Variants in POLR1A observed in about 807,000 individuals in gnomAD.
POLR1A encodes the protein DNA-directed RNA polymerase I subunit RPA1.
POLR1A carries 84 observed loss-of-function variants against 205.3 expected under a neutral mutation model. That is an observed-to-expected ratio of 0.41 (90% CI 0.34 to 0.49). POLR1A has a LOEUF of 0.49. POLR1A is among the 20% of genes least tolerant of loss of function. The pLI, the probability that POLR1A is intolerant of heterozygous loss-of-function variation, is 0.22. For synonymous variants in POLR1A, 799 were observed against 863.7 expected, an observed-to-expected ratio of 0.93 and a Z score of 1.31; for missense variants, 1,645 against 2,204.5, an observed-to-expected ratio of 0.75 and a Z score of 5.08.
intron 31 of POLR1A, 73 bp downstream of exon 31, chr2:86,030,123 A>G (rs1392597661): frequency 4.0e-6 from 5 of 1,261,032 alleles, no homozygotes; most frequent in African/African-American, 1.5e-5. Context: ...CGAGCCTCCC[A>G]GTGGCTGGGT....
chr2:86,097,239 A>AAAAAAAAAAAAAAAAAAAC (rs1445554154), intron 3 of POLR1A, among the ~76,000 whole-genome samples: 2 of 148,916 alleles, frequency 1.3e-5, no homozygotes, highest in Non-Finnish European at 3.0e-5. Context: ...AAAAAAAAAA[A>AAAAAAAAAAAAAAAAAAAC]AAAGCAAATG....
At chr2:86,050,066 C>A (rs1194337014) in intron 16 of POLR1A, among the ~76,000 whole-genome samples, 1 of 152,050 alleles carries the variant, frequency 6.6e-6, no homozygotes, top group Admixed American at 6.6e-5. Context: ...TACAGGTGCA[C>A]GCCACCACAC....
chr2:86,061,528 C>A (rs1003554691), intron 14 of POLR1A, among the ~76,000 whole-genome samples: 1 of 152,094 alleles, frequency 6.6e-6, no homozygotes, highest in Admixed American at 6.5e-5. Context: ...CAATAGTTAC[C>A]CACTGAAATG....
chr2:86,069,966 G>C, intron 13 of POLR1A, 52 bp downstream of exon 13: 4 of 1,577,170 alleles, frequency 2.5e-6, no homozygotes, highest in Non-Finnish European at 3.4e-6. Context: ...CAACTTAAAA[G>C]TGCTAAGTCA....
chr2:86,030,658 C>G (rs1273783319), intron 30 of POLR1A, among the ~76,000 whole-genome samples: 6 of 152,202 alleles, frequency 3.9e-5, no homozygotes, highest in Non-Finnish European at 1.5e-5. Context: ...CACATCCACT[C>G]TGCACTGCTC....
chr2:86,084,868 C>T (rs1673474448), intron 6 of POLR1A, among the ~76,000 whole-genome samples: 1 of 152,148 alleles, frequency 6.6e-6, no homozygotes, highest in African/African-American at 2.4e-5. Flanking sequence ...GATATGTCAT[C>T]ATAAGTTTTT....
chr2:86,060,566 G>A (rs1672975851), intron 14 of POLR1A, among the ~76,000 whole-genome samples: 1 of 152,190 alleles, frequency 6.6e-6, no homozygotes, highest in Non-Finnish European at 1.5e-5. Context: ...TGACACAGGA[G>A]TACTAGCAGT....
rs200668123 is a variant in POLR1A at position 86,052,954 on chromosome 2, G to A, written c.2255C>T (p.Ala752Val). ...GCCGTAGGCGGAGCTCCCATAGTGC[G>A]CCTTGTCCAGCACTCCGCAGAGCAG... ...GELLCGVLDK[A>V]HYGSSAYGLV... The change falls in exon 16 of 34, where the codon GCG becomes GTG. Residue 752 changes from alanine (A) to valine (V), a missense_variant. Transcript: ENST00000263857. 3.7e-6 allele frequency: 6 copies of A among 1,607,412 alleles called. No individual in the cohort carries two copies. The highest frequency in any genetic ancestry group is 5.1e-6 in the Non-Finnish European group (6 of 1,176,712).
chr2:86,068,371 A>C (rs1307131585), intron 13 of POLR1A, among the ~76,000 whole-genome samples: 4 of 84,454 alleles, frequency 4.7e-5, no homozygotes, highest in African/African-American at 2.0e-4. Flanking sequence ...GAACACGCAC[A>C]GCCAAGCACA....
At chr2:86,087,628 C>T (rs1673525865) in intron 6 of POLR1A, among the ~76,000 whole-genome samples, 2 of 152,190 alleles carry the variant, frequency 1.3e-5, no homozygotes, top group Non-Finnish European at 2.9e-5. Flanking sequence ...CTGCAGAGTG[C>T]GCCTCCTGGG....
At chr2:86,081,433 G>A (rs1208755412) in intron 8 of POLR1A, among the ~76,000 whole-genome samples, 168 bp downstream of exon 8, 2 of 151,866 alleles carry the variant, frequency 1.3e-5, no homozygotes, top group African/African-American at 2.4e-5. Context: ...TTCCTATTGC[G>A]TTCACAACAA....
At chr2:86,069,251 T>A (rs182865087) in intron 13 of POLR1A, among the ~76,000 whole-genome samples, 28 of 152,362 alleles carry the variant, frequency 1.8e-4, no homozygotes, top group Admixed American at 1.6e-3. Context: ...TAACTATGAA[T>A]CATTGTGGCG....
chr2:86,097,238 A>AAAAAAAAAAAAAAAAAAAAC (rs1673721782), intron 3 of POLR1A, among the ~76,000 whole-genome samples: 1 of 148,736 alleles, frequency 6.7e-6, no homozygotes, highest in Non-Finnish European at 1.5e-5. Flanking sequence ...AAAAAAAAAA[A>AAAAAAAAAAAAAAAAAAAAC]AAAAGCAAAT....
Position 86,038,662 on chromosome 2 carries a change from G to C in POLR1A, c.4034+38C>G, listed in dbSNP as rs538571729. Reference sequence around the variant, plus strand: ...CTGCCCCAGTTCAAGCGCATTCTCTGGGTCAAGGTCAATGACAATCACAGC... The same window carrying C: ...CTGCCCCAGTTCAAGCGCATTCTCTCGGTCAAGGTCAATGACAATCACAGC... On this transcript the variant is annotated intron_variant, in intron 27 of 33. Transcript: ENST00000263857. The C allele has an allele frequency of 2.3e-5, 37 of 1,604,348 alleles. No individual in the cohort carries two copies. In the South Asian group the frequency reaches 3.9e-4, roughly 17 times the overall value.
intron 23 of POLR1A, 145 bp downstream of exon 23, chr2:86,042,829 T>C: frequency 3.0e-6 from 2 of 668,794 alleles, no homozygotes; most frequent in Admixed American, 2.5e-5. Context: ...TACATTCCCA[T>C]TTGAGAGCCA....
intron 3 of POLR1A, among the ~76,000 whole-genome samples, chr2:86,095,663 A>G: frequency 6.6e-6 from 1 of 152,214 alleles, no homozygotes; most frequent in East Asian, 1.9e-4. Flanking sequence ...GGCAAGAGAA[A>G]GAAAAGGCAT....
In POLR1A at chr2:86,052,807, C is replaced by T. The variant is rs771794451; in HGVS notation, c.2392+10G>A. Reference sequence around the variant, plus strand: ...GGTCACTGCCCCAGGGCAGCGAGCCCGGCACTTACCCAAGGTGAAGCCTCT... The same window carrying T: ...GGTCACTGCCCCAGGGCAGCGAGCCTGGCACTTACCCAAGGTGAAGCCTCT... On this transcript the variant is annotated intron_variant, in intron 16 of 33. Coordinates refer to ENST00000263857, the MANE Select transcript of POLR1A (RefSeq NM_015425.6). 5.3e-6 allele frequency: 8 copies of T among 1,504,386 alleles called. No homozygotes were observed. Among genetic ancestry groups the T allele is most frequent in the East Asian group, 2.5e-5 (1 of 39,268 alleles). 93.2% of individuals were successfully genotyped at this position (1,504,386 alleles called of 1,614,324 possible).
At position 86,026,958 on chromosome 2, in the gene POLR1A, G is replaced by A. The variant is rs1299062750; in HGVS notation, c.*465C>T. 5 of 178,800 alleles carry A rather than the reference G, an allele frequency of 2.8e-5. No homozygotes were observed. The highest frequency in any genetic ancestry group is 1.3e-4 in the East Asian group (1 of 7,616). The allele number at this position is 178,800 out of a possible 1,614,324, so 11.1% of individuals were successfully genotyped here. A position where few individuals can be genotyped will look rare whatever the true frequency, so the allele number is the denominator to read the frequency against. On this transcript the variant is annotated 3_prime_UTR_variant, in exon 34 of 34. Transcript: ENST00000263857. ...AGCAGGCTCCACGTTCCTGCTCATC[G>A]GGAGCCCCCAGGAATCTTGTCTGTT...
At position 86,028,512 on chromosome 2, in the gene POLR1A, A is replaced by T. The variant is rs1672311572; in HGVS notation, c.4897+82T>A. Reference sequence around the variant, plus strand: ...TGGACTGACTCGGTGCTGGACCGACACGGTCCTGACCCTCCTGCCGAGCCT... The same window carrying T: ...TGGACTGACTCGGTGCTGGACCGACTCGGTCCTGACCCTCCTGCCGAGCCT... On this transcript the variant is annotated intron_variant, in intron 32 of 33. Transcript: ENST00000263857. The surrounding 1 kb of genome is among the most constrained non-coding windows in gnomAD (Gnocchi z 4.5). 2.1e-6 allele frequency: 2 copies of T among 948,268 alleles called. No individual in the cohort carries two copies. The highest frequency in any genetic ancestry group is 3.5e-6 in the Non-Finnish European group (2 of 577,340). 58.7% of individuals were successfully genotyped at this position (948,268 alleles called of 1,614,324 possible). A position where few individuals can be genotyped will look rare whatever the true frequency, so the allele number is the denominator to read the frequency against.
Sources: allele counts gnomAD v4.1 joint callset (sites outside exome capture counted in the v4.1 genomes callset), GRCh38; gene constraint gnomAD v4.1.1; non-coding constraint Gnocchi (gnomAD v3.1); transcripts MANE v1.5; gene names NCBI Gene and HGNC (gene_info 2026-07-23, HGNC 2026-07-21).